SLC7A8: variants seen among roughly 807,000 people sequenced by gnomAD.
The protein encoded by SLC7A8 is solute carrier family 7 member 8, also known as large neutral amino acids transporter small subunit 2.
SLC7A8 carries 30 observed loss-of-function variants against 51.2 expected under a neutral mutation model. The observed-to-expected ratio is 0.59, with a 90% CI of 0.44 to 0.80. The LOEUF is 0.80. Among genes scored for constraint, SLC7A8 ranks in the 30% least tolerant of loss-of-function variants. SLC7A8 has a pLI of 0.00. For missense variants in SLC7A8, 612 were observed against 674.4 expected, an observed-to-expected ratio of 0.91 and a Z score of 1.03; for synonymous variants, 257 against 275.8, an observed-to-expected ratio of 0.93 and a Z score of 0.67.
chr14:23,131,499 C>A lies in SLC7A8; in HGVS notation c.1075G>T (p.Val359Leu), dbSNP rs760437691. The A allele has an allele frequency of 6.2e-7, 1 of 1,609,556 alleles. No individual in the cohort carries two copies. The highest frequency in any genetic ancestry group is 8.5e-7 in the Non-Finnish European group (1 of 1,178,134). The change falls in exon 8 of 11, where the codon GTG becomes TTG. Residue 359 changes from valine (V) to leucine (L), a missense_variant. Coordinates refer to ENST00000316902, the MANE Select transcript of SLC7A8 (RefSeq NM_012244.4). ...GCTGGGATTGGGGTGCAGCGCTTCACGTGGATCATGGCCAACACACTGGGA... is the reference window on the plus strand; with the variant it reads ...GCTGGGATTGGGGTGCAGCGCTTCAAGTGGATCATGGCCAACACACTGGGA... Reference protein sequence around the residue: ...HLPSVLAMIHVKRCTPIPALL... With the variant: ...HLPSVLAMIHLKRCTPIPALL...
At position 23,182,747 on chromosome 14, in the gene SLC7A8, G is replaced by A. The variant is rs201210866; in HGVS notation, c.151+17C>T. On this transcript the variant is annotated intron_variant, in intron 1 of 10. Transcript: ENST00000316902. ...CAGAGGGGAGAGGAGGGGTCCGCGG[G>A]AAGGAATGGAACTCACCTACGATGA... 47 of 1,529,108 alleles carry A rather than the reference G, an allele frequency of 3.1e-5. No homozygotes were observed. The highest frequency in any genetic ancestry group is 3.9e-5 in the Non-Finnish European group (44 of 1,139,788). 94.7% of individuals were successfully genotyped at this position (1,529,108 alleles called of 1,614,324 possible). A position where few individuals can be genotyped will look rare whatever the true frequency, so the allele number is the denominator to read the frequency against.
In SLC7A8 at chr14:23,180,150, C is replaced by T. The variant is rs1278271721; in HGVS notation, c.151+2614G>A. Among the ~76,000 whole-genome samples the T allele has an allele frequency of 2.0e-5, 3 of 152,284 alleles. No individual in the cohort carries two copies. The East Asian group carries it at 5.8e-4, about 29-fold the overall frequency. ...CTTGATCTCCTGACCTCGTGATCCG[C>T]CCGCCTTGGCCTCCCAAAGTGCTGG... On this transcript the variant is annotated intron_variant, in intron 1 of 10. Coordinates refer to ENST00000316902, the MANE Select transcript of SLC7A8 (RefSeq NM_012244.4).
intron 5 of SLC7A8, among the ~76,000 whole-genome samples, chr14:23,139,834 G>T (rs1474472178): frequency 6.6e-6 from 1 of 152,008 alleles, no homozygotes; most frequent in Non-Finnish European, 1.5e-5. Flanking sequence ...ACATAGCAAG[G>T]CCTCTTCTTT....
In SLC7A8 at chr14:23,129,738, C is replaced by G; in HGVS notation, c.1175G>C (p.Gly392Ala). The change falls in exon 9 of 11, where the codon GGC becomes GCC. Residue 392 changes from glycine to alanine, a missense_variant. Physicochemically the swap from Gly to Ala is moderately conservative, Grantham distance 60. Coordinates refer to ENST00000316902, the MANE Select transcript of SLC7A8 (RefSeq NM_012244.4). ...CCCATAGAAGAGGTAGTTGATGAAG[C>G]CCACATAGTTGATGAGTGTGTACAT... ...SDMYTLINYV[G>A]FINYLFYGVT... is the part of the protein sequence containing the mutation. The G allele has an allele frequency of 6.2e-7, 1 of 1,614,160 alleles. No individual in the cohort carries two copies. The highest frequency in any genetic ancestry group is 8.5e-7 in the Non-Finnish European group (1 of 1,180,022).
At chr14:23,163,298 C>G (rs1352880810) in intron 3 of SLC7A8, among the ~76,000 whole-genome samples, 4 of 152,114 alleles carry the variant, frequency 2.6e-5, no homozygotes, top group Admixed American at 1.3e-4. Flanking sequence ...GTAGGGTGGA[C>G]GAGTGATTTT....
intron 4 of SLC7A8, among the ~76,000 whole-genome samples, chr14:23,142,303 C>T (rs2048752900): frequency 6.6e-6 from 1 of 152,110 alleles, no homozygotes; most frequent in Admixed American, 6.5e-5. Flanking sequence ...TGGAAAGGGC[C>T]AAATCCAGTG....
chr14:23,178,022 T>G (rs1243466875), intron 1 of SLC7A8, among the ~76,000 whole-genome samples: 1 of 152,220 alleles, frequency 6.6e-6, no homozygotes, highest in African/African-American at 2.4e-5. Context: ...TGGGTTTGAA[T>G]CCTAGCTCCA....
intron 3 of SLC7A8, chr14:23,154,357 C>A (rs2048872909): frequency 1.0e-6 from 1 of 999,848 alleles, no homozygotes; most frequent in Non-Finnish European, 1.2e-6. Flanking sequence ...TGAGGCATGT[C>A]CCTCCCAGCA....
chr14:23,135,064 G>A (rs1173098572), intron 7 of SLC7A8, among the ~76,000 whole-genome samples: 1 of 151,978 alleles, frequency 6.6e-6, no homozygotes, highest in African/African-American at 2.4e-5. Flanking sequence ...ACCACGCCCA[G>A]CCCTAAAAGT....
chr14:23,162,892 T>C (rs1438208038), intron 3 of SLC7A8, among the ~76,000 whole-genome samples: 1 of 152,110 alleles, frequency 6.6e-6, no homozygotes, highest in Non-Finnish European at 1.5e-5. Flanking sequence ...GGGTTCTTGA[T>C]TTCTAGTAGA....
chr14:23,146,169 G>C (rs185874643), intron 3 of SLC7A8, among the ~76,000 whole-genome samples: 7 of 152,204 alleles, frequency 4.6e-5, no homozygotes, highest in African/African-American at 1.7e-4. Flanking sequence ...AGTAACTCAA[G>C]GATAAAGGAG....
chr14:23,155,913 C>G (rs535815753), intron 3 of SLC7A8, among the ~76,000 whole-genome samples: 1 of 152,254 alleles, frequency 6.6e-6, no homozygotes, highest in Admixed American at 6.5e-5. Context: ...TGGACCCAGG[C>G]TGCAAAATTC....
At position 23,165,164 on chromosome 14, in the gene SLC7A8, GC is replaced by G. The variant is rs894430064; in HGVS notation, c.508+120del. The G allele has an allele frequency of 4.1e-4, 428 of 1,046,422 alleles. No homozygotes were observed. The highest frequency in any genetic ancestry group is 3.6e-3 in the Middle Eastern group (11 of 3,068). 64.8% of individuals were successfully genotyped at this position (1,046,422 alleles called of 1,614,324 possible). A position where few individuals can be genotyped will look rare whatever the true frequency, so the allele number is the denominator to read the frequency against. ...GCCCAGGAGTTCAAGGCTGCAGTGA[GC>G]TATGATCATGCGGCTGCGCTCCAGC... On this transcript the variant is annotated intron_variant, in intron 3 of 10. Coordinates refer to ENST00000316902, the MANE Select transcript of SLC7A8 (RefSeq NM_012244.4). The surrounding 1 kb of genome is among the most constrained non-coding windows in gnomAD (Gnocchi z 4.2).
intron 1 of SLC7A8, among the ~76,000 whole-genome samples, chr14:23,178,870 G>C (rs867766500): frequency 7.4e-6 from 1 of 134,938 alleles, no homozygotes; most frequent in Non-Finnish European, 1.5e-5. Flanking sequence ...GGTTAACAGA[G>C]TGAGATCTTG....
intron 10 of SLC7A8, among the ~76,000 whole-genome samples, chr14:23,127,798 G>T (rs976330161): frequency 1.3e-5 from 2 of 152,164 alleles, no homozygotes; most frequent in African/African-American, 4.8e-5. Context: ...GCCTATTCTT[G>T]CGGGTCTAAG....
At chr14:23,173,086 T>G (rs1322751731) in intron 1 of SLC7A8, among the ~76,000 whole-genome samples, 6 of 152,240 alleles carry the variant, frequency 3.9e-5, no homozygotes, top group Non-Finnish European at 8.8e-5. Flanking sequence ...GAGGCAATCT[T>G]GAATAATGAT....
chr14:23,161,089 C>T (rs2140331902), intron 3 of SLC7A8, among the ~76,000 whole-genome samples: 1 of 152,084 alleles, frequency 6.6e-6, no homozygotes, highest in East Asian at 1.9e-4. Context: ...AAGTGTGATC[C>T]AAGTCTGCAG....
chr14:23,153,682 C>T (rs1173800071), intron 3 of SLC7A8, among the ~76,000 whole-genome samples: 2 of 152,166 alleles, frequency 1.3e-5, no homozygotes, highest in Non-Finnish European at 2.9e-5. Flanking sequence ...CACCTTGGGT[C>T]CCCTCCCACC....
rs1366423797 is a variant in SLC7A8 at position 23,128,174 on chromosome 14, A to T, written c.1286T>A (p.Ile429Asn). ...CAGGAAGGCCCAGAACAGCAAGTAG[A>T]TGATGGGGAACAGCAGGTTGATCTG... ...PIKINLLFPI[I>N]YLLFWAFLLV... Residue 429 changes from isoleucine (I) to asparagine (N), a missense_variant, in exon 10 of 11, where the codon ATC becomes AAC. Physicochemically the swap from Ile to Asn is moderately radical, Grantham distance 149. Coordinates refer to ENST00000316902, the MANE Select transcript of SLC7A8 (RefSeq NM_012244.4). This position sits in a 1 kb window ranked among gnomAD's most constrained non-coding sequence, Gnocchi z 4.3. 1.7e-5 allele frequency: 27 copies of T among 1,614,032 alleles called. No homozygotes were observed. The highest frequency in any genetic ancestry group is 2.1e-5 in the Non-Finnish European group (25 of 1,180,010).
Sources: allele counts gnomAD v4.1 joint callset (sites outside exome capture counted in the v4.1 genomes callset), GRCh38; gene constraint gnomAD v4.1.1; non-coding constraint Gnocchi (gnomAD v3.1); transcripts MANE v1.5; gene names NCBI Gene and HGNC (gene_info 2026-07-23, HGNC 2026-07-21).